Variants in NDST4 observed in about 807,000 individuals in gnomAD.
The protein encoded by NDST4 is N-heparan sulfate sulfotransferase 4.
A neutral mutation model predicts 100.8 loss-of-function variants in NDST4; 63 were observed. The observed-to-expected ratio is 0.62, with a 90% CI of 0.51 to 0.77. The LOEUF (loss-of-function observed/expected upper bound fraction) is 0.77. NDST4 is among the 30% of genes least tolerant of loss of function. The pLI is 0.00. For synonymous variants in NDST4, 377 were observed against 361.8 expected (o/e 1.04, Z -0.48); for missense variants, 943 against 1,018.4 (o/e 0.93, Z 1.01).
intron 6 of NDST4, among the ~76,000 whole-genome samples, chr4:114,927,430 A>G (rs1426196417): frequency 6.6e-6 from 1 of 152,054 alleles, no homozygotes; most frequent in Non-Finnish European, 1.5e-5. Flanking sequence ...CAATTTTCTG[A>G]CAGATTTAAT....
At chr4:114,986,832 A>ATATATATATATT in intron 2 of NDST4, among the ~76,000 whole-genome samples, 1,165 of 94,408 alleles carry the variant, frequency 0.012, 66 homozygotes, top group South Asian at 0.028. Flanking sequence ...ATATATATAT[A>ATATATATATATT]TTTTAATATA....
intron 4 of NDST4, among the ~76,000 whole-genome samples, chr4:114,942,641 T>C (rs1725774193): frequency 2.6e-5 from 4 of 152,232 alleles, no homozygotes; most frequent in South Asian, 2.1e-4. Context: ...GAATGGAATA[T>C]GGATAATTAC....
chr4:114,839,617 G>A, intron 10 of NDST4, 69 bp from the exon 11 acceptor site: 5 of 1,405,430 alleles, frequency 3.6e-6, no homozygotes, highest in Non-Finnish European at 4.9e-6. Context: ...ATATGTGTAT[G>A]GGTGAGCACA....
chr4:115,013,744 T>C (rs772752065), intron 2 of NDST4, among the ~76,000 whole-genome samples: 24 of 151,918 alleles, frequency 1.6e-4, no homozygotes, highest in Non-Finnish European at 3.1e-4. Context: ...CAGCAGCTGA[T>C]AGAATCCCTA....
chr4:114,896,704 T>C (rs1162042579), intron 6 of NDST4, among the ~76,000 whole-genome samples: 2 of 152,118 alleles, frequency 1.3e-5, no homozygotes, highest in Non-Finnish European at 2.9e-5. Flanking sequence ...CAACCTTGTC[T>C]ATATATGAGA....
At chr4:115,032,264 C>T (rs908037656) in intron 2 of NDST4, among the ~76,000 whole-genome samples, 7 of 151,934 alleles carry the variant, frequency 4.6e-5, no homozygotes, top group Non-Finnish European at 8.8e-5. Context: ...AGAAACAATC[C>T]GAAAAACGGT....
intron 1 of NDST4, among the ~76,000 whole-genome samples, chr4:115,085,156 C>T (rs555396751): frequency 3.9e-5 from 6 of 152,308 alleles, no homozygotes; most frequent in African/African-American, 1.4e-4. Context: ...AGCTTAATGA[C>T]TGCCCTATTG....
At chr4:115,021,170 A>C (rs1727803975) in intron 2 of NDST4, among the ~76,000 whole-genome samples, 2 of 151,882 alleles carry the variant, frequency 1.3e-5, no homozygotes, top group African/African-American at 4.8e-5. Context: ...AATGCCCATC[A>C]ATCAGTGAGT....
chr4:114,890,823 C>T (rs530867149), intron 6 of NDST4, among the ~76,000 whole-genome samples: 2 of 152,222 alleles, frequency 1.3e-5, no homozygotes, highest in South Asian at 4.1e-4. Flanking sequence ...CCTGCCTCTC[C>T]ACTATCACTT....
intron 6 of NDST4, among the ~76,000 whole-genome samples, chr4:114,914,815 T>C (rs1725135452): frequency 6.6e-6 from 1 of 152,166 alleles, no homozygotes; most frequent in African/African-American, 2.4e-5. Flanking sequence ...ACTGTTTTTT[T>C]AAAAGGCAAG....
chr4:114,978,584 T>G (rs1180646802), intron 2 of NDST4, among the ~76,000 whole-genome samples: 1 of 152,028 alleles, frequency 6.6e-6, no homozygotes, highest in African/African-American at 2.4e-5. Context: ...AACTAAATAT[T>G]AAAAACAGTT....
chr4:115,072,532 C>T (rs1186976810), intron 2 of NDST4, among the ~76,000 whole-genome samples: 2 of 151,890 alleles, frequency 1.3e-5, no homozygotes, highest in African/African-American at 2.4e-5. Context: ...GAAATAAATT[C>T]TTGCATTTAC....
chr4:114,848,492 C>G (rs920259803), intron 8 of NDST4, among the ~76,000 whole-genome samples, 154 bp from the exon 9 acceptor site: 16 of 152,158 alleles, frequency 1.1e-4, no homozygotes, highest in African/African-American at 3.9e-4. Flanking sequence ...TCCATGCAGC[C>G]ACAATCTAAG....
rs570452273 is a variant in NDST4 at position 115,003,925 on chromosome 4, G to A, written c.979-26651C>T. On this transcript the variant is annotated intron_variant, in intron 2 of 13. Coordinates refer to ENST00000264363, the MANE Select transcript of NDST4 (RefSeq NM_022569.3). ...TTTTAAAATAAAGAAAATGAGGTGC[G>A]CAGTGTTTAAATAGATGTTTCCCCT... 1.1e-4 allele frequency among the ~76,000 whole-genome samples: 17 copies of A among 152,052 alleles called. No homozygotes were observed. In the East Asian group the frequency reaches 1.4e-3, roughly 12 times the overall value.
At chr4:114,967,828 T>C (rs551636672) in intron 4 of NDST4, among the ~76,000 whole-genome samples, 2 of 152,280 alleles carry the variant, frequency 1.3e-5, no homozygotes, top group Admixed American at 6.5e-5. Context: ...TGTAATTGCA[T>C]GCTCCTCTGT....
intron 3 of NDST4, among the ~76,000 whole-genome samples, chr4:114,974,584 A>G (rs77597385): frequency 0.018 from 2,684 of 152,192 alleles, 71 homozygotes; most frequent in African/African-American, 0.06. Context: ...TTCTCAATTA[A>G]GCTTTTGTTA....
At chr4:115,111,621 T>C (rs944539341) in intron 1 of NDST4, among the ~76,000 whole-genome samples, 5 of 151,710 alleles carry the variant, frequency 3.3e-5, no homozygotes, top group African/African-American at 1.2e-4. Flanking sequence ...AATTCAAATT[T>C]TCAGGAGGTT....
intron 2 of NDST4, among the ~76,000 whole-genome samples, chr4:115,000,347 T>A (rs1388610304): frequency 1.3e-5 from 2 of 152,002 alleles, no homozygotes; most frequent in South Asian, 2.1e-4. Flanking sequence ...CATTTTTTTT[T>A]ATTTTTTGCC....
At chr4:115,090,056 A>G (rs1360279838) in intron 1 of NDST4, among the ~76,000 whole-genome samples, 1 of 151,848 alleles carries the variant, frequency 6.6e-6, no homozygotes, top group Non-Finnish European at 1.5e-5. Flanking sequence ...GTATTATTTA[A>G]AAGTCTCAGC....
Sources: allele counts gnomAD v4.1 joint callset (sites outside exome capture counted in the v4.1 genomes callset), GRCh38; gene constraint gnomAD v4.1.1; transcripts MANE v1.5; gene names NCBI Gene and HGNC (gene_info 2026-07-23, HGNC 2026-07-21).